UBP1: variants seen among roughly 807,000 people sequenced by gnomAD.
UBP1 encodes the protein upstream binding protein 1.
A neutral mutation model predicts 76.1 loss-of-function variants in UBP1; 22 were observed. That is an observed-to-expected ratio of 0.29 (90% confidence interval 0.21 to 0.41). UBP1 has a LOEUF of 0.41. UBP1 is among the 10% of genes least tolerant of loss of function. UBP1 has a pLI of 1.00. For missense variants in UBP1, 436 were observed against 668.1 expected (o/e 0.65, Z 3.83); for synonymous variants, 224 against 237.1 (o/e 0.94, Z 0.51).
chr3:33,441,341 G>A (rs1329276623), upstream of UBP1: 1 of 152,300 alleles, frequency 6.6e-6, no homozygotes, highest in Non-Finnish European at 1.5e-5. Flanking sequence ...TTGCTGAAGA[G>A]AACGTCAAGG....
chr3:33,405,085 A>C (rs912154591), intron 8 of UBP1, among the ~76,000 whole-genome samples: 2 of 152,178 alleles, frequency 1.3e-5, no homozygotes, highest in African/African-American at 4.8e-5. Context: ...ATTAAATTTC[A>C]ATTTATGTAA....
chr3:33,432,219 GA>G (rs2045126474), intron 1 of UBP1, among the ~76,000 whole-genome samples: 1 of 152,048 alleles, frequency 6.6e-6, no homozygotes, highest in African/African-American at 2.4e-5. Flanking sequence ...AGCTACTAGG[GA>G]GGCAGAGGTA....
intron 9 of UBP1, among the ~76,000 whole-genome samples, chr3:33,402,580 T>C (rs560088410): frequency 2.0e-5 from 3 of 152,258 alleles, no homozygotes; most frequent in East Asian, 3.9e-4. Context: ...ACAATTACCA[T>C]AGTTGTGACT....
At chr3:33,438,460 G>T (rs918742520) in intron 1 of UBP1, among the ~76,000 whole-genome samples, 6 of 152,140 alleles carry the variant, frequency 3.9e-5, no homozygotes, top group Admixed American at 2.0e-4. Context: ...CTCCCCTCTG[G>T]GGTGACTCCA....
At chr3:33,414,720 G>A (rs1027317615) in intron 3 of UBP1, among the ~76,000 whole-genome samples, 4 of 152,188 alleles carry the variant, frequency 2.6e-5, no homozygotes, top group African/African-American at 4.8e-5. Flanking sequence ...TCCCAGACAA[G>A]CTTACAGAAT....
chr3:33,408,368 A>T (rs2044484896), intron 8 of UBP1, among the ~76,000 whole-genome samples: 1 of 152,200 alleles, frequency 6.6e-6, no homozygotes, highest in East Asian at 1.9e-4. Context: ...CTCTTGAAGG[A>T]GGTGTGTGTG....
At chr3:33,417,820 C>T (rs1388199481) in intron 2 of UBP1, among the ~76,000 whole-genome samples, 1 of 152,172 alleles carries the variant, frequency 6.6e-6, no homozygotes, top group Non-Finnish European at 1.5e-5. Flanking sequence ...AACACCTTGT[C>T]CATACTCCCA....
intron 9 of UBP1, among the ~76,000 whole-genome samples, chr3:33,402,344 G>A (rs997245304): frequency 3.9e-5 from 6 of 152,112 alleles, no homozygotes; most frequent in Non-Finnish European, 7.4e-5. Flanking sequence ...TGTAGAAACC[G>A]AAAGGTCTTC....
At chr3:33,401,119 T>C (rs2044212314) in intron 9 of UBP1, 103 bp from the exon 10 acceptor site, 9 of 1,085,686 alleles carry the variant, frequency 8.3e-6, no homozygotes, top group Non-Finnish European at 1.2e-5. Flanking sequence ...AAATTTCAAG[T>C]AAGGCAACAG....
chr3:33,432,286 T>G (rs1001286245), intron 1 of UBP1, among the ~76,000 whole-genome samples: 1 of 152,202 alleles, frequency 6.6e-6, no homozygotes, highest in Non-Finnish European at 1.5e-5. Context: ...ATTGCACCAC[T>G]GCACTTCAGC....
intron 8 of UBP1, 75 bp downstream of exon 8, chr3:33,408,615 C>T (rs774619465): frequency 9.0e-6 from 11 of 1,215,728 alleles, no homozygotes; most frequent in Admixed American, 5.4e-5. Flanking sequence ...CTTTACTTTG[C>T]GGTGGAAGTT....
At chr3:33,425,023 C>A (rs933644033) in intron 2 of UBP1, among the ~76,000 whole-genome samples, 1 of 151,624 alleles carries the variant, frequency 6.6e-6, no homozygotes, top group South Asian at 2.1e-4. Context: ...CCAGCCTGGG[C>A]GATAGAGCAA....
At chr3:33,429,309 T>C (rs1281664709) in intron 1 of UBP1, among the ~76,000 whole-genome samples, 3 of 152,180 alleles carry the variant, frequency 2.0e-5, no homozygotes, top group Admixed American at 1.3e-4. Context: ...TTTTGAGTAC[T>C]AAAGACAGAA....
At chr3:33,440,667 T>G (rs1042555720), upstream of UBP1, 23 of 152,490 alleles carry the variant, frequency 1.5e-4, no homozygotes, top group Admixed American at 9.8e-4. Flanking sequence ...ACAGGCCAAC[T>G]GAGCAATACC....
At chr3:33,393,619 T>C (rs1473804203) in intron 13 of UBP1, among the ~76,000 whole-genome samples, 165 bp from the exon 14 acceptor site, 1 of 152,210 alleles carries the variant, frequency 6.6e-6, no homozygotes, top group Admixed American at 6.5e-5. Context: ...TCTTACTACC[T>C]TGAAATCTTG....
chr3:33,426,415 T>C (rs1217811523), intron 1 of UBP1, among the ~76,000 whole-genome samples: 2 of 152,170 alleles, frequency 1.3e-5, no homozygotes, highest in East Asian at 3.9e-4. Flanking sequence ...TTGGATGTTG[T>C]TTGGTTTTAA....
rs2043842425 is a variant in UBP1 at position 33,393,350 on chromosome 3, G to C, written c.1495C>G (p.Gln499Glu). Residue 499 changes from glutamine (Q) to glutamate (E), a missense_variant, in exon 14 of 16, where the codon CAG becomes GAG. Transcript: ENST00000283629. ...AGAATGTGAATACCGGTGGGACCCTGTCTGTAAACCTGATTAATTTGGTGG... is the reference window on the plus strand; with the variant it reads ...AGAATGTGAATACCGGTGGGACCCTCTCTGTAAACCTGATTAATTTGGTGG... Reference protein sequence around the residue: ...PLHQINQVYRQGPTGIHILVS... With the variant: ...PLHQINQVYREGPTGIHILVS... 1 of 1,611,442 alleles carries C rather than the reference G, an allele frequency of 6.2e-7. No individual in the cohort carries two copies. Among genetic ancestry groups the C allele is most frequent in the Non-Finnish European group, 8.5e-7 (1 of 1,178,842 alleles).
intron 1 of UBP1, among the ~76,000 whole-genome samples, chr3:33,433,487 T>C (rs1033686061): frequency 6.7e-6 from 1 of 148,478 alleles, no homozygotes; most frequent in Non-Finnish European, 1.5e-5. Context: ...ACCCCACCTC[T>C]ACTAAAAATA....
At chr3:33,391,010 T>G (rs563103142) in intron 15 of UBP1, 3 of 152,500 alleles carry the variant, frequency 2.0e-5, no homozygotes, top group Non-Finnish European at 4.4e-5. Context: ...ACTATGCAAT[T>G]ATAGTATATG....
Sources: gnomAD v4.1 joint callset for allele counts (sites outside exome capture counted in the v4.1 genomes callset) on GRCh38, gnomAD v4.1.1 for gene constraint, MANE v1.5 for transcripts, NCBI Gene and HGNC (gene_info 2026-07-23, HGNC 2026-07-21) for gene names.